CRACR2A: variants seen among roughly 807,000 people sequenced by gnomAD.
CRACR2A encodes calcium release activated channel regulator 2A, also known as EF-hand calcium-binding domain-containing protein 4B.
In CRACR2A, 79 loss-of-function variants were observed where a neutral mutation model predicts 90.5. That is an observed-to-expected ratio of 0.87 (90% CI 0.73 to 1.05). The LOEUF is 1.05. CRACR2A is among the 50% of genes least tolerant of loss of function. CRACR2A has a pLI of 0.00. For missense variants in CRACR2A, 823 were observed against 897.2 expected, an observed-to-expected ratio of 0.92 and a Z score of 1.06; for synonymous variants, 338 against 356.7, an observed-to-expected ratio of 0.95 and a Z score of 0.59.
At chr12:3,627,367 G>A (rs1944284309) in intron 17 of CRACR2A, 69 bp downstream of exon 17, 2 of 1,184,208 alleles carry the variant, frequency 1.7e-6, no homozygotes, top group Non-Finnish European at 2.4e-6. Flanking sequence ...GCCCACGTGG[G>A]AGATGGACAG....
At chr12:3,698,330 T>G (rs1945777533) in intron 3 of CRACR2A, among the ~76,000 whole-genome samples, 1 of 152,200 alleles carries the variant, frequency 6.6e-6, no homozygotes, top group Non-Finnish European at 1.5e-5. Flanking sequence ...ATTTCCTGTG[T>G]CCATGTGAGT....
At chr12:3,700,208 AC>A (rs1444641160) in intron 3 of CRACR2A, among the ~76,000 whole-genome samples, 1 of 152,162 alleles carries the variant, frequency 6.6e-6, no homozygotes, top group East Asian at 1.9e-4. Flanking sequence ...TGCTTAGGGT[AC>A]AAAAATCTAA....
At chr12:3,747,216 C>A (rs1433419409) in intron 1 of CRACR2A, among the ~76,000 whole-genome samples, 1 of 152,160 alleles carries the variant, frequency 6.6e-6, no homozygotes, top group Non-Finnish European at 1.5e-5. Flanking sequence ...GTTACTCAGC[C>A]TCTTGAAACA....
chr12:3,648,519 C>T, intron 11 of CRACR2A, 23 bp downstream of exon 11: 3 of 1,614,148 alleles, frequency 1.9e-6, no homozygotes, highest in Non-Finnish European at 2.5e-6. Flanking sequence ...GCTCTCAGCA[C>T]AGGCCAGTGC....
chr12:3,741,883 G>A (rs7307214), intron 1 of CRACR2A, among the ~76,000 whole-genome samples: 14,457 of 152,308 alleles, frequency 0.095, 991 homozygotes, highest in Non-Finnish European at 0.15. Context: ...AATCAGCCTG[G>A]AGTTCACAGG....
intron 10 of CRACR2A, among the ~76,000 whole-genome samples, chr12:3,653,299 A>T (rs760298146): frequency 1.3e-5 from 2 of 152,228 alleles, no homozygotes; most frequent in African/African-American, 4.8e-5. Flanking sequence ...TTTAAAGATC[A>T]AACGAGAGGA....
At chr12:3,654,189 G>C (rs752978732) in intron 10 of CRACR2A, 23 bp downstream of exon 10, 8 of 1,606,960 alleles carry the variant, frequency 5.0e-6, no homozygotes, top group Non-Finnish European at 6.8e-6. Context: ...GACAGCAGAG[G>C]AGTGGACAAA....
At chr12:3,694,455 G>A (rs1027770457) in intron 4 of CRACR2A, among the ~76,000 whole-genome samples, 4 of 152,176 alleles carry the variant, frequency 2.6e-5, no homozygotes, top group African/African-American at 9.7e-5. Context: ...CAGTTCCCAT[G>A]AGGCTGTGCT....
intron 1 of CRACR2A, among the ~76,000 whole-genome samples, 176 bp from the exon 2 acceptor site, chr12:3,733,386 T>C (rs1319096171): frequency 2.6e-5 from 4 of 152,218 alleles, no homozygotes; most frequent in Non-Finnish European, 5.9e-5. Flanking sequence ...AGTGACCTCC[T>C]CCCCAGCTCA....
At chr12:3,748,397 C>G (rs1371674674) in intron 1 of CRACR2A, among the ~76,000 whole-genome samples, 1 of 152,168 alleles carries the variant, frequency 6.6e-6, no homozygotes, top group Non-Finnish European at 1.5e-5. Context: ...CTTGGCCAGC[C>G]CCATCCAGGA....
intron 7 of CRACR2A, among the ~76,000 whole-genome samples, chr12:3,663,660 G>A (rs528797444): frequency 1.3e-5 from 2 of 152,186 alleles, no homozygotes; most frequent in Non-Finnish European, 2.9e-5. Context: ...CTCAAGCCAC[G>A]GCAGTGCCAA....
At chr12:3,635,875 C>A (rs1234556550) in intron 14 of CRACR2A, among the ~76,000 whole-genome samples, 2 of 152,170 alleles carry the variant, frequency 1.3e-5, no homozygotes, top group African/African-American at 4.8e-5. Context: ...TGATGCATTC[C>A]TTCCAACTTT....
At chr12:3,654,951 A>T (rs1209125728) in intron 9 of CRACR2A, among the ~76,000 whole-genome samples, 1 of 152,210 alleles carries the variant, frequency 6.6e-6, no homozygotes, top group African/African-American at 2.4e-5. Context: ...TAACTAAAAC[A>T]GTTCAAACAG....
intron 13 of CRACR2A, among the ~76,000 whole-genome samples, chr12:3,639,696 T>G (rs994507655): frequency 2.0e-5 from 3 of 152,284 alleles, no homozygotes; most frequent in African/African-American, 7.2e-5. Context: ...CATCCTGAAA[T>G]TAACTGCGAT....
At chr12:3,631,101 C>T (rs1338635571) in intron 15 of CRACR2A, among the ~76,000 whole-genome samples, 1 of 152,214 alleles carries the variant, frequency 6.6e-6, no homozygotes, top group Non-Finnish European at 1.5e-5. Flanking sequence ...GGTGTGACAT[C>T]TGCTTCCTGA....
chr12:3,718,083 A>G (rs148681221), intron 2 of CRACR2A, among the ~76,000 whole-genome samples: 11 of 152,362 alleles, frequency 7.2e-5, no homozygotes, highest in African/African-American at 2.6e-4. Flanking sequence ...TGTGTTAAAC[A>G]TGGATGATAA....
intron 10 of CRACR2A, among the ~76,000 whole-genome samples, chr12:3,652,982 G>C (rs1944820896): frequency 6.6e-6 from 1 of 151,996 alleles, no homozygotes. Flanking sequence ...GCTATACCAG[G>C]ATAATTTTTT....
At chr12:3,628,187 C>T (rs1008211680) in intron 15 of CRACR2A, among the ~76,000 whole-genome samples, 1 of 145,452 alleles carries the variant, frequency 6.9e-6, no homozygotes, top group Non-Finnish European at 1.5e-5. Flanking sequence ...CTCTTTCTTT[C>T]TCTCTCTCTC....
chr12:3,621,671 A>AAAAAAAAAAAAAAAAAAC (rs1301625787), intron 17 of CRACR2A, among the ~76,000 whole-genome samples: 1 of 145,302 alleles, frequency 6.9e-6, no homozygotes, highest in Non-Finnish European at 1.5e-5. Context: ...AAAAAAAAAA[A>AAAAAAAAAAAAAAAAAAC]AAAAAAAAAA....
Sources: gnomAD v4.1 joint callset for allele counts (sites outside exome capture counted in the v4.1 genomes callset) on GRCh38, gnomAD v4.1.1 for gene constraint, MANE v1.5 for transcripts, NCBI Gene and HGNC (gene_info 2026-07-23, HGNC 2026-07-21) for gene names.